CCDC178: variants seen among roughly 807,000 people sequenced by gnomAD.
CCDC178 encodes the protein coiled-coil domain containing 178.
Under a neutral mutation model 117.4 loss-of-function variants are expected in CCDC178, and 126 were observed. The observed-to-expected ratio is 1.07, with a 90% CI of 0.93 to 1.24. The LOEUF is 1.24. Ranked by LOEUF, CCDC178 falls within the 50% of genes most tolerant of loss-of-function variation. The pLI is 0.00. For synonymous variants in CCDC178, 283 were observed against 313.4 expected (o/e 0.90, Z 1.02); for missense variants, 1,030 against 986.9 (o/e 1.04, Z -0.59).
intron 21 of CCDC178, among the ~76,000 whole-genome samples, chr18:33,078,020 A>G (rs1213554668): frequency 1.3e-5 from 2 of 152,204 alleles, no homozygotes; most frequent in Non-Finnish European, 2.9e-5. Flanking sequence ...ATGAACATTA[A>G]TGCAAAACTC....
intron 20 of CCDC178, among the ~76,000 whole-genome samples, chr18:33,134,462 A>G (rs895553110): frequency 1.3e-5 from 2 of 152,056 alleles, no homozygotes; most frequent in African/African-American, 4.8e-5. Context: ...AATAATGATC[A>G]AGAAATTTAT....
rs1448972989 is a variant in CCDC178 at position 33,139,879 on chromosome 18, C to T, written c.2239-46969G>A. Among the ~76,000 whole-genome samples, 5 of 152,202 alleles carry T rather than the reference C, an allele frequency of 3.3e-5. No homozygotes were observed. In the East Asian group the frequency reaches 5.8e-4, roughly 18 times the overall value. On this transcript the variant is annotated intron_variant, in intron 20 of 22. Transcript: ENST00000383096. Reference sequence around the variant, plus strand: ...TGTCTCCAGGGCATGTCTCCAGGGCCTCCCATCACAGGCCTGGAGACCTAG... The same window carrying T: ...TGTCTCCAGGGCATGTCTCCAGGGCTTCCCATCACAGGCCTGGAGACCTAG...
intron 12 of CCDC178, among the ~76,000 whole-genome samples, chr18:33,292,760 G>A (rs2060184090): frequency 6.6e-6 from 1 of 152,010 alleles, no homozygotes; most frequent in East Asian, 1.9e-4. Flanking sequence ...TTCAGTTTTT[G>A]TTTTAATTGA....
chr18:33,160,662 T>A (rs1229427217), intron 20 of CCDC178, among the ~76,000 whole-genome samples: 1 of 152,078 alleles, frequency 6.6e-6, no homozygotes, highest in African/African-American at 2.4e-5. Context: ...AAGGTCAACA[T>A]CATTGCTCAC....
intron 3 of CCDC178, among the ~76,000 whole-genome samples, chr18:33,403,785 A>G (rs768579511): frequency 3.9e-5 from 6 of 152,128 alleles, no homozygotes; most frequent in Non-Finnish European, 7.4e-5. Flanking sequence ...TTGATTAACT[A>G]TTGGAGGCTG....
At chr18:33,066,262 T>C (rs912773729) in intron 21 of CCDC178, among the ~76,000 whole-genome samples, 5 of 152,080 alleles carry the variant, frequency 3.3e-5, no homozygotes, top group African/African-American at 1.2e-4. Context: ...CTAAAGGGAA[T>C]CCTACATCTG....
chr18:33,423,629 G>T (rs1568217586), intron 2 of CCDC178, among the ~76,000 whole-genome samples: 1 of 151,732 alleles, frequency 6.6e-6, no homozygotes, highest in African/African-American at 2.4e-5. Flanking sequence ...AACACATGTT[G>T]GTGTGTGTGT....
intron 21 of CCDC178, among the ~76,000 whole-genome samples, chr18:33,045,239 C>A (rs1300356127): frequency 6.6e-6 from 1 of 151,990 alleles, no homozygotes; most frequent in Non-Finnish European, 1.5e-5. Flanking sequence ...AAGATTAAAT[C>A]ATGTATTTAT....
intron 11 of CCDC178, among the ~76,000 whole-genome samples, chr18:33,305,381 A>T (rs1317115608): frequency 6.6e-6 from 1 of 152,076 alleles, no homozygotes; most frequent in Admixed American, 6.6e-5. Flanking sequence ...TGATGAGGAC[A>T]CTCACCCCAA....
At chr18:33,322,110 A>G (rs2062519492) in intron 11 of CCDC178, among the ~76,000 whole-genome samples, 1 of 151,992 alleles carries the variant, frequency 6.6e-6, no homozygotes, top group Non-Finnish European at 1.5e-5. Flanking sequence ...CTGAGAATAT[A>G]GCCTCAAAAT....
At chr18:33,391,790 C>T (rs750735806) in intron 4 of CCDC178, among the ~76,000 whole-genome samples, 2 of 151,642 alleles carry the variant, frequency 1.3e-5, no homozygotes, top group Non-Finnish European at 2.9e-5. Flanking sequence ...TAAATAAATA[C>T]CATTTAAAAT....
intron 2 of CCDC178, among the ~76,000 whole-genome samples, chr18:33,434,191 A>G (rs529672765): frequency 6.6e-6 from 1 of 152,218 alleles, no homozygotes; most frequent in African/African-American, 2.4e-5. Flanking sequence ...TATAAAAAAT[A>G]TAAATAAATA....
chr18:33,311,705 A>G (rs116291466), intron 11 of CCDC178, among the ~76,000 whole-genome samples: 434 of 152,346 alleles, frequency 2.8e-3, no homozygotes, highest in African/African-American at 9.8e-3. Flanking sequence ...ACACAGAAAG[A>G]TGGTCCAAGT....
At chr18:33,426,479 T>C (rs1248811354) in intron 2 of CCDC178, among the ~76,000 whole-genome samples, 2 of 152,186 alleles carry the variant, frequency 1.3e-5, no homozygotes, top group Admixed American at 1.3e-4. Flanking sequence ...AATAAAAATA[T>C]TAAATCATAC....
intron 21 of CCDC178, among the ~76,000 whole-genome samples, chr18:32,988,601 A>T (rs1277046509): frequency 6.6e-6 from 1 of 151,934 alleles, no homozygotes; most frequent in Non-Finnish European, 1.5e-5. Flanking sequence ...ATCCAAATTT[A>T]AAAAAATATA....
intron 21 of CCDC178, among the ~76,000 whole-genome samples, chr18:33,048,161 G>A (rs2144916871): frequency 6.6e-6 from 1 of 152,300 alleles, no homozygotes; most frequent in African/African-American, 2.4e-5. Context: ...GGAAAGGCCT[G>A]AGACAGATCT....
At chr18:33,235,992 G>C (rs1387213659) in intron 15 of CCDC178, among the ~76,000 whole-genome samples, 1 of 152,154 alleles carries the variant, frequency 6.6e-6, no homozygotes, top group Admixed American at 6.5e-5. Flanking sequence ...TAAAAAATTA[G>C]AGAAAGTGCT....
intron 12 of CCDC178, among the ~76,000 whole-genome samples, chr18:33,288,561 C>T (rs2060130470): frequency 1.3e-5 from 2 of 151,106 alleles, no homozygotes; most frequent in South Asian, 4.2e-4. Flanking sequence ...GGATAAATTA[C>T]ACAGAGACAA....
intron 20 of CCDC178, among the ~76,000 whole-genome samples, chr18:33,125,776 T>A (rs1287989578): frequency 6.6e-6 from 1 of 152,216 alleles, no homozygotes; most frequent in Non-Finnish European, 1.5e-5. Flanking sequence ...ATGTGACACC[T>A]GCTTCCAGGA....
Sources: gnomAD v4.1 joint callset for allele counts (sites outside exome capture counted in the v4.1 genomes callset) on GRCh38, gnomAD v4.1.1 for gene constraint, MANE v1.5 for transcripts, NCBI Gene and HGNC (gene_info 2026-07-23, HGNC 2026-07-21) for gene names.